The following LYPD5 variants were observed in gnomAD, a reference collection of about 807,000 sequenced individuals.
LYPD5 encodes the protein LY6/PLAUR domain containing 5, also known as ly6/PLAUR domain-containing protein 5.
LYPD5 carries 21 observed loss-of-function variants against 19.1 expected under a neutral mutation model. That is an observed-to-expected ratio of 1.10 (90% CI 0.78 to 1.58). LYPD5 has a LOEUF of 1.58. Among genes scored for constraint, LYPD5 ranks in the 40% most tolerant of loss-of-function variants. The probability of loss-of-function intolerance (pLI) is 0.00; values close to 1 mark genes in which losing one functional copy is unlikely to be tolerated. For missense variants in LYPD5, 287 were observed against 329.8 expected, an observed-to-expected ratio of 0.87 and a Z score of 1.00; for synonymous variants, 128 against 142.7, an observed-to-expected ratio of 0.90 and a Z score of 0.74.
rs1441759909 is a variant in LYPD5, at chr19:43,797,642, C to A, written c.705G>T (p.Gln235His). ...ASATTPPRALQVLALLLPVLL... is the reference protein window; with the variant it reads ...ASATTPPRALHVLALLLPVLL... The stretch of plus-strand genomic sequence containing the variant: ...GGACTGGGAGGAGCAGGGCCAGGAC[C>A]TGTAGTGCTCGGGGAGGGGTGGTGG... Residue 235 changes from glutamine (Q) to histidine (H), a missense_variant, in exon 5 of 5, where the codon CAG (glutamine) becomes CAT (histidine). Gln to His is a conservative substitution (Grantham distance 24). Coordinates refer to ENST00000377950, the MANE Select transcript of LYPD5 (RefSeq NM_001031749.3). 2.5e-6 allele frequency: 4 copies of A among 1,613,206 alleles called. No homozygotes were observed. In the Admixed American group the frequency reaches 5.0e-5, roughly 20 times the overall value.
chr19:43,817,680 AG>A (rs1970384688), intron 1 of LYPD5, among the ~76,000 whole-genome samples: 1 of 152,062 alleles, frequency 6.6e-6, no homozygotes, highest in Non-Finnish European at 1.5e-5. Context: ...TTGAGTTTCA[AG>A]GGTTTCCACT....
chr19:43,809,189 G>A (rs377740865), intron 1 of LYPD5, among the ~76,000 whole-genome samples: 4 of 150,448 alleles, frequency 2.7e-5, no homozygotes, highest in Non-Finnish European at 4.4e-5. Flanking sequence ...ACAGGCGCCC[G>A]CCACTACACC....
At chr19:43,798,777 T>C in intron 3 of LYPD5, 35 bp downstream of exon 3, 1 of 1,583,586 alleles carries the variant, frequency 6.3e-7, no homozygotes, top group Non-Finnish European at 8.6e-7. Context: ...CCTCTCATCG[T>C]CCCTCCCGGA....
chr19:43,812,988 A>G (rs987947629), intron 1 of LYPD5, among the ~76,000 whole-genome samples: 1 of 152,162 alleles, frequency 6.6e-6, no homozygotes, highest in African/African-American at 2.4e-5. Flanking sequence ...CTGGTCCTCA[A>G]TTAGGTCTGG....
chr19:43,817,568 G>A (rs905371968), intron 1 of LYPD5, among the ~76,000 whole-genome samples: 2 of 151,950 alleles, frequency 1.3e-5, no homozygotes, highest in African/African-American at 2.4e-5. Context: ...TTTTTTGCAG[G>A]GGCCAAGTGA....
In LYPD5 at chr19:43,798,435, C is replaced by T. The variant is rs747967296; in HGVS notation, c.517+20G>A. ...CTCCATATCCCTTGCCCAGGCCCTT[C>T]CACCCTTCCAGCCCCTTACCAACTG... On this transcript the variant is annotated intron_variant, in intron 4 of 4. Transcript: ENST00000377950. 35 of 1,603,276 alleles carry T rather than the reference C, an allele frequency of 2.2e-5. No homozygotes were observed. Among genetic ancestry groups the T allele is most frequent in the Non-Finnish European group, 2.5e-5 (29 of 1,179,930 alleles).
At chr19:43,810,964 T>C (rs916216118) in intron 1 of LYPD5, among the ~76,000 whole-genome samples, 10 of 152,138 alleles carry the variant, frequency 6.6e-5, no homozygotes, top group Non-Finnish European at 1.3e-4. Context: ...ATAGTAAATA[T>C]ATACCAGACC....
In LYPD5 at chr19:43,802,315, A is replaced by C. The variant is rs1970233785; in HGVS notation, c.64+2T>G. The C allele has an allele frequency of 6.4e-7, 1 of 1,551,438 alleles. No homozygotes were observed. The highest frequency in any genetic ancestry group is 1.2e-5 in the South Asian group (1 of 84,050). On this transcript the variant is annotated splice_donor_variant, in intron 1 of 4. Transcript: ENST00000377950. LOFTEE classifies it high-confidence loss of function. ...CACTACTGGATTCAGAAGTTTGCGT[A>C]CCTGTCAGGCAGAGCGCAGCCCCAA... is the stretch of plus-strand genomic sequence containing the variant.
At chr19:43,814,975 T>C (rs1423187766) in intron 1 of LYPD5, among the ~76,000 whole-genome samples, 1 of 152,234 alleles carries the variant, frequency 6.6e-6, no homozygotes, top group African/African-American at 2.4e-5. Context: ...AGCACTTATA[T>C]GCTGCATAAT....
chr19:43,797,522 A>C lies in LYPD5; in HGVS notation c.*69T>G. On this transcript the variant is annotated 3_prime_UTR_variant, in exon 5 of 5. Coordinates refer to ENST00000377950, the MANE Select transcript of LYPD5 (RefSeq NM_001031749.3). ...CTTTAACATCATTTTCCAGTGAGCT[A>C]TGTGATAGGGGCTGAAGCAGCAAGA... The C allele has an allele frequency of 8.3e-7, 1 of 1,202,106 alleles. No individual in the cohort carries two copies. Among genetic ancestry groups the C allele is most frequent in the Non-Finnish European group, 1.2e-6 (1 of 843,796 alleles). The allele number at this position is 1,202,106 out of a possible 1,614,324, so 74.5% of individuals were successfully genotyped here.
intron 1 of LYPD5, among the ~76,000 whole-genome samples, chr19:43,801,167 AG>A: frequency 6.6e-6 from 1 of 152,134 alleles, no homozygotes; most frequent in South Asian, 2.1e-4. Flanking sequence ...GGCTGTAGTG[AG>A]CCATGGTTGT....
At position 43,799,729 on chromosome 19, in the gene LYPD5, T is replaced by C. The variant is rs1357319682; in HGVS notation, c.170A>G (p.Glu57Gly). Residue 57 changes from glutamate (E) to glycine (G), a missense_variant, in exon 2 of 5, where the codon GAG becomes GGG. Glu to Gly is a moderately conservative substitution (Grantham distance 98). Transcript: ENST00000377950. ...PSISCPHECF[E>G]AILSLDTGYR... is the part of the protein sequence containing the mutation. Reference sequence around the variant, plus strand: ...ACCGGTGTCCAGAGACAGGATAGCCTCAAAGCACTCATGAGGACAGGAGAT... The same window carrying C: ...ACCGGTGTCCAGAGACAGGATAGCCCCAAAGCACTCATGAGGACAGGAGAT... 6.2e-7 allele frequency: 1 copy of C among 1,613,758 alleles called. No homozygotes were observed. The highest frequency in any genetic ancestry group is 1.3e-5 in the African/African-American group (1 of 74,976).
At chr19:43,803,063 G>T (rs1412422919), upstream of LYPD5, among the ~76,000 whole-genome samples, 1 of 152,178 alleles carries the variant, frequency 6.6e-6, no homozygotes, top group Non-Finnish European at 1.5e-5. Flanking sequence ...CAGAGAGAGA[G>T]GAAGAGAGAG....
At position 43,797,615 on chromosome 19, in the gene LYPD5, G is replaced by A. The variant is rs578055689; in HGVS notation, c.732C>T (p.Leu244=). The change falls in exon 5 of 5, where the codon CTC becomes CTT. Residue 244 remains leucine (L), a synonymous_variant. Transcript: ENST00000377950. ...LQVLALLLPV[L]LLVGLSA ...TCTATGCTGAGAGCCCCACCAGCAG[G>A]AGGACTGGGAGGAGCAGGGCCAGGA... The A allele has an allele frequency of 3.7e-6, 6 of 1,608,380 alleles. No individual in the cohort carries two copies. The highest frequency in any genetic ancestry group is 5.1e-6 in the Non-Finnish European group (6 of 1,176,084).
upstream of LYPD5, among the ~76,000 whole-genome samples, chr19:43,807,091 T>C (rs1970276572): frequency 6.6e-6 from 1 of 152,206 alleles, no homozygotes; most frequent in African/African-American, 2.4e-5. Context: ...CATTCATCCT[T>C]CCATCAATGG....
At chr19:43,818,124 G>A (rs1377391647) in intron 1 of LYPD5, among the ~76,000 whole-genome samples, 1 of 152,172 alleles carries the variant, frequency 6.6e-6, no homozygotes, top group Non-Finnish European at 1.5e-5. Context: ...CAACCATAGG[G>A]TGAGTTCATG....
upstream of LYPD5, among the ~76,000 whole-genome samples, chr19:43,807,220 G>C (rs1008163242): frequency 7.9e-5 from 12 of 151,206 alleles, no homozygotes; most frequent in African/African-American, 2.4e-4. Flanking sequence ...AAATCATTTT[G>C]AATGTTGCAC....
In LYPD5 at chr19:43,802,246, C is replaced by G. The variant is rs1970232522; in HGVS notation, c.64+71G>C. The G allele has an allele frequency of 3.6e-6, 5 of 1,372,020 alleles. No individual in the cohort carries two copies. In the East Asian group the frequency reaches 7.6e-5, roughly 21 times the overall value. 85.0% of individuals were successfully genotyped at this position (1,372,020 alleles called of 1,614,324 possible). A position where few individuals can be genotyped will look rare whatever the true frequency, so the allele number is the denominator to read the frequency against. On this transcript the variant is annotated intron_variant, in intron 1 of 4. Coordinates refer to ENST00000377950, the MANE Select transcript of LYPD5 (RefSeq NM_001031749.3). ...AGACCCAGGAGTCCAGGCCCCCAGTCTCTCCTCCCTCAGATCTAGGAGTCC... is the reference window on the plus strand; with the variant it reads ...AGACCCAGGAGTCCAGGCCCCCAGTGTCTCCTCCCTCAGATCTAGGAGTCC...
rs1268378068 is a variant in LYPD5, at chr19:43,797,707, T to C, written c.640A>G (p.Asn214Asp). 6.2e-7 allele frequency: 1 copy of C among 1,613,548 alleles called. No homozygotes were observed. The highest frequency in any genetic ancestry group is 8.5e-7 in the Non-Finnish European group (1 of 1,179,820). The change falls in exon 5 of 5, where the codon AAC becomes GAC. Residue 214 changes from asparagine to aspartate, a missense_variant. Coordinates refer to ENST00000377950, the MANE Select transcript of LYPD5 (RefSeq NM_001031749.3). The stretch of plus-strand genomic sequence containing the variant: ...AAGGGCTGGGTCATGGATTTCCTGT[T>C]GCAGAGGTACCCCTCACAGCAGGAG... The part of the protein sequence containing the change: ...QGSCCEGYLC[N>D]RKSMTQPFTS...
Sources: gnomAD v4.1 joint callset for allele counts (sites outside exome capture counted in the v4.1 genomes callset) on GRCh38, gnomAD v4.1.1 for gene constraint, MANE v1.5 for transcripts, NCBI Gene and HGNC (gene_info 2026-07-23, HGNC 2026-07-21) for gene names.